MOB3C: variants seen among roughly 807,000 people sequenced by gnomAD.
MOB3C encodes MOB1, Mps One Binder kinase activator-like 2C.
MOB3C carries 17 observed loss-of-function variants against 19.8 expected under a neutral mutation model. The ratio of observed to expected loss-of-function variants is 0.86; its 90% CI spans 0.59 to 1.29. MOB3C has a LOEUF of 1.29. MOB3C is among the 50% of genes most tolerant of loss of function. MOB3C has a pLI of 0.00. For synonymous variants in MOB3C, 101 were observed against 119.2 expected, an observed-to-expected ratio of 0.85 and a Z score of 0.99; for missense variants, 291 against 301.9, an observed-to-expected ratio of 0.96 and a Z score of 0.27.
chr1:46,613,002 C>T lies in MOB3C; in HGVS notation c.320G>A (p.Arg107Gln), dbSNP rs755169615. Residue 107 changes from arginine to glutamine, a missense_variant, in exon 2 of 4, where the codon CGG (arginine) becomes CAG (glutamine). By Grantham distance (43) the Arg-to-Gln change is conservative (BLOSUM62 1). Coordinates refer to ENST00000319928, the MANE Select transcript of MOB3C (RefSeq NM_201403.3). The stretch of plus-strand genomic sequence containing the variant: ...CGGCGCAGAGAGCTTGGCGGGCCGC[C>T]GGTACTGGCGCTCGTCCTGCCAGCG... ...EYRWQDERQY[R>Q]RPAKLSAPRY... 1.2e-5 allele frequency: 20 copies of T among 1,612,558 alleles called. No homozygotes were observed. Among genetic ancestry groups the T allele is most frequent in the Non-Finnish European group, 1.5e-5 (18 of 1,179,122 alleles).
At chr1:46,609,773 G>GAGCC in intron 3 of MOB3C, 89 bp from the exon 4 acceptor site, 1 of 1,544,244 alleles carries the variant, frequency 6.5e-7, no homozygotes. Context: ...CTGCTCTTCT[G>GAGCC]TCTGAGCCTG....
At chr1:46,615,252 C>T (rs1358290977) in intron 1 of MOB3C, 13 of 583,134 alleles carry the variant, frequency 2.2e-5, no homozygotes, top group Non-Finnish European at 3.0e-6. Flanking sequence ...CACTTCCCAC[C>T]TCCCCACACC....
chr1:46,610,989 G>A (rs554705570), intron 2 of MOB3C, among the ~76,000 whole-genome samples: 13 of 152,238 alleles, frequency 8.5e-5, no homozygotes, highest in Admixed American at 7.2e-4. Flanking sequence ...GCTGCTCAAG[G>A]CCTTTCATGA....
chr1:46,609,488 T>G lies in MOB3C; in HGVS notation c.*167A>C, dbSNP rs1675424626. 1 of 819,054 alleles carries G rather than the reference T, an allele frequency of 1.2e-6. No homozygotes were observed. Among genetic ancestry groups the G allele is most frequent in the Non-Finnish European group, 2.0e-6 (1 of 491,578 alleles). The allele number at this position is 819,054 out of a possible 1,614,324, so 50.7% of individuals were successfully genotyped here. On this transcript the variant is annotated 3_prime_UTR_variant, in exon 4 of 4. Coordinates refer to ENST00000319928, the MANE Select transcript of MOB3C (RefSeq NM_201403.3). ...TCTCCCCTTCTCCATCCACAAGCGG[T>G]CAGGGCGACAGGTAGGCAGACTCCT...
rs773299121 is a variant in MOB3C at position 46,609,611 on chromosome 1, G to A, written c.*44C>T. 1.2e-6 allele frequency: 2 copies of A among 1,612,918 alleles called. No individual in the cohort carries two copies. Among genetic ancestry groups the A allele is most frequent in the East Asian group, 4.5e-5 (2 of 44,866 alleles). On this transcript the variant is annotated 3_prime_UTR_variant, in exon 4 of 4. Transcript: ENST00000319928. ...GGGTCCCCTCTGCCAGCCACCCTAT[G>A]TTCAGATCGTCCATCTGATGGCCAA...
chr1:46,608,961 C>A lies in MOB3C; in HGVS notation c.*694G>T. 6.5e-6 allele frequency: 1 copy of A among 152,856 alleles called. No individual in the cohort carries two copies. Among genetic ancestry groups the A allele is most frequent in the Non-Finnish European group, 1.5e-5 (1 of 68,284 alleles). The allele number at this position is 152,856 out of a possible 1,614,324, so 9.5% of individuals were successfully genotyped here. A position where few individuals can be genotyped will look rare whatever the true frequency, so the allele number is the denominator to read the frequency against. On this transcript the variant is annotated 3_prime_UTR_variant, in exon 4 of 4. Coordinates refer to ENST00000319928, the MANE Select transcript of MOB3C (RefSeq NM_201403.3). The surrounding 1 kb of genome is among the most constrained non-coding windows in gnomAD (Gnocchi z 4.5). ...CTCCTCTTCCTACGTTCCCCCAGCT[C>A]TCCAGGACTCATGCTGATGGAAGAG...
chr1:46,613,445 AT>A, intron 1 of MOB3C, 74 bp from the exon 2 acceptor site: 1 of 1,357,686 alleles, frequency 7.4e-7, no homozygotes, highest in Non-Finnish European at 1.0e-6. Flanking sequence ...CCAATTCATC[AT>A]TTCCCTGTCA....
chr1:46,609,514 G>C lies in MOB3C; in HGVS notation c.*141C>G. ...CAGGGCGACAGGTAGGCAGACTCCT[G>C]AGAACCAGAAGTCCAGAGGCTTTGG... On this transcript the variant is annotated 3_prime_UTR_variant, in exon 4 of 4. Coordinates refer to ENST00000319928, the MANE Select transcript of MOB3C (RefSeq NM_201403.3). The C allele has an allele frequency of 9.2e-7, 1 of 1,091,146 alleles. No homozygotes were observed. Among genetic ancestry groups the C allele is most frequent in the Non-Finnish European group, 1.4e-6 (1 of 725,462 alleles). The allele number at this position is 1,091,146 out of a possible 1,614,324, so 67.6% of individuals were successfully genotyped here. A position where few individuals can be genotyped will look rare whatever the true frequency, so the allele number is the denominator to read the frequency against.
intron 1 of MOB3C, chr1:46,614,904 A>G: frequency 7.8e-7 from 1 of 1,286,934 alleles, no homozygotes; most frequent in Admixed American, 1.8e-5. Flanking sequence ...GTCTGGTAAA[A>G]TGAGAGCAGC....
intron 1 of MOB3C, 129 bp downstream of exon 1, chr1:46,616,582 A>C (rs1675565831): frequency 6.8e-6 from 1 of 146,528 alleles, no homozygotes; most frequent in African/African-American, 2.5e-5. Flanking sequence ...GCCTCAGGAC[A>C]GCGGCCAGCC....
intron 3 of MOB3C, 22 bp from the exon 4 acceptor site, chr1:46,609,706 A>G (rs1264879794): frequency 1.2e-6 from 2 of 1,614,012 alleles, no homozygotes; most frequent in East Asian, 4.5e-5. Flanking sequence ...CAAGGTAGGG[A>G]GGGGTCAATT....
intron 3 of MOB3C, 38 bp downstream of exon 3, chr1:46,609,964 T>C: frequency 6.2e-7 from 1 of 1,611,148 alleles, no homozygotes; most frequent in African/African-American, 1.3e-5. Context: ...ACTCAGAGGC[T>C]AGCCTTGGTA....
rs139968018 is a variant in MOB3C at position 46,613,421 on chromosome 1, T to G, written c.-50-50A>C. On this transcript the variant is annotated intron_variant, in intron 1 of 3. Transcript: ENST00000319928. ...AGCTGGCGGTCAAGGCCTTATCATC[T>G]GGGCTCTGACTTCCCAATTCATCAT... 3.8e-3 allele frequency: 5,639 copies of G among 1,490,342 alleles called. 100 individuals are homozygous for G. In the Admixed American group the frequency reaches 0.041, roughly 11 times the overall value. The allele number at this position is 1,490,342 out of a possible 1,614,324, so 92.3% of individuals were successfully genotyped here. A position where few individuals can be genotyped will look rare whatever the true frequency, so the allele number is the denominator to read the frequency against.
chr1:46,609,862 G>A, intron 3 of MOB3C, 140 bp downstream of exon 3: 2 of 1,226,882 alleles, frequency 1.6e-6, no homozygotes, highest in South Asian at 1.4e-5. Context: ...CTCTATTGAA[G>A]TACAGAATTC....
Position 46,614,998 on chromosome 1 carries a change from C to T in MOB3C, c.-50-1627G>A, listed in dbSNP as rs531125584. On this transcript the variant is annotated intron_variant, in intron 1 of 3. Transcript: ENST00000319928. ...ATGTGAAAGGTCATCTCATCCATCCCGACTCTTCGACTTCTCACCCAAAGA... is the reference window on the plus strand; with the variant it reads ...ATGTGAAAGGTCATCTCATCCATCCTGACTCTTCGACTTCTCACCCAAAGA... The T allele has an allele frequency of 8.2e-5, 133 of 1,612,456 alleles. 5 individuals carry two copies. In the South Asian group the frequency reaches 9.1e-4, roughly 11 times the overall value.
chr1:46,610,279 A>G (rs1020295651), intron 2 of MOB3C, 75 bp from the exon 3 acceptor site: 42 of 1,403,456 alleles, frequency 3.0e-5, no homozygotes, highest in Non-Finnish European at 4.0e-5. Flanking sequence ...CCTCCCACAC[A>G]CAGGCAACCA....
At chr1:46,615,159 C>T in intron 1 of MOB3C, 2 of 1,081,578 alleles carry the variant, frequency 1.8e-6, no homozygotes, top group Non-Finnish European at 2.8e-6. Context: ...TCCTGGGCTC[C>T]CCACATTGCA....
Position 46,613,238 on chromosome 1 carries a change from A to AAAGCC in MOB3C, c.83_84insGGCTT (p.Phe28LeufsTer23). 6.2e-7 allele frequency: 1 copy of AAAGCC among 1,614,104 alleles called. No homozygotes were observed. Among genetic ancestry groups the AAAGCC allele is most frequent in the South Asian group, 1.1e-5 (1 of 91,080 alleles). Reference sequence around the variant, plus strand: ...AGGCCTGTGCCTTCTTGTACAGCTCAAAGCGCTGTGTGCCCGGCTCAAAGC... The same window carrying AAAGCC: ...AGGCCTGTGCCTTCTTGTACAGCTCAAAGCCAAGCGCTGTGTGCCCGGCTCAAAGC... On this transcript the variant is annotated frameshift_variant, in exon 2 of 4. Transcript: ENST00000319928. LOFTEE classifies it high-confidence loss of function.
chr1:46,613,000 G>A lies in MOB3C; in HGVS notation c.322C>T (p.Arg108Trp), dbSNP rs753948020. 6.2e-6 allele frequency: 10 copies of A among 1,612,418 alleles called. No homozygotes were observed. The highest frequency in any genetic ancestry group is 2.2e-5 in the East Asian group (1 of 44,850). Residue 108 changes from arginine (R) to tryptophan (W), a missense_variant, in exon 2 of 4, where the codon CGG (arginine) becomes TGG (tryptophan). Transcript: ENST00000319928. ...CGCGGCGCAGAGAGCTTGGCGGGCCGCCGGTACTGGCGCTCGTCCTGCCAG... is the reference window on the plus strand; with the variant it reads ...CGCGGCGCAGAGAGCTTGGCGGGCCACCGGTACTGGCGCTCGTCCTGCCAG... ...YRWQDERQYR[R>W]PAKLSAPRYM...
Sources: gnomAD v4.1 joint callset for allele counts (sites outside exome capture counted in the v4.1 genomes callset) on GRCh38, gnomAD v4.1.1 for gene constraint, Gnocchi (gnomAD v3.1) non-coding constraint, MANE v1.5 for transcripts, NCBI Gene and HGNC (gene_info 2026-07-23, HGNC 2026-07-21) for gene names.